RP1: variants seen among roughly 807,000 people sequenced by gnomAD.
RP1 encodes the protein oxygen-regulated protein 1.
Under a neutral mutation model 14.8 loss-of-function variants are expected in RP1, and 16 were observed. That is an observed-to-expected ratio of 1.08 (90% CI 0.73 to 1.65). The LOEUF (loss-of-function observed/expected upper bound fraction) is 1.65, where lower values mean the gene tolerates loss of function less well. Ranked by LOEUF, RP1 falls within the 40% of genes most tolerant of loss-of-function variation. The pLI is 0.00. For synonymous variants in RP1, 876 were observed against 883.6 expected (o/e 0.99, Z 0.15); for missense variants, 2,631 against 2,535.0 (o/e 1.04, Z -0.81).
chr8:54,606,577 T>C (rs1805450716), intron 1 of RP1, among the ~76,000 whole-genome samples: 1 of 152,180 alleles, frequency 6.6e-6, no homozygotes, highest in African/African-American at 2.4e-5. Context: ...TTCCTGAATT[T>C]GAATATTGGC....
Position 54,700,093 on chromosome 8 carries a change from A to G in RP1, c.1821+523A>G, listed in dbSNP as rs139454652. On this transcript the variant is annotated intron_variant, in intron 13 of 22. Coordinates refer to the RP1 transcript ENST00000636932. ...ATTTAACAGAAGAGGAACATGAAAAATAGGATTAAGTGAGTTGCACAGAGT... is the reference window on the plus strand; with the variant it reads ...ATTTAACAGAAGAGGAACATGAAAAGTAGGATTAAGTGAGTTGCACAGAGT... Among the ~76,000 whole-genome samples the G allele has an allele frequency of 2.3e-3, 345 of 152,306 alleles. 1 individual carries two copies. The highest frequency in any genetic ancestry group is 7.5e-3 in the African/African-American group (313 of 41,586).
At chr8:54,683,339 G>A (rs1306668328) in intron 12 of RP1, among the ~76,000 whole-genome samples, 1 of 152,044 alleles carries the variant, frequency 6.6e-6, no homozygotes, top group African/African-American at 2.4e-5. Flanking sequence ...ATTCCATTAA[G>A]AATGTCAATG....
At chr8:54,841,057 G>T (rs1369279471) in intron 25 of RP1, among the ~76,000 whole-genome samples, 2 of 152,148 alleles carry the variant, frequency 1.3e-5, no homozygotes, top group Non-Finnish European at 2.9e-5. Context: ...AAAACTCATG[G>T]GTGGGTAAGG....
At chr8:54,831,498 A>G (rs970750608) in intron 24 of RP1, among the ~76,000 whole-genome samples, 5 of 149,542 alleles carry the variant, frequency 3.3e-5, no homozygotes, top group South Asian at 2.1e-4. Context: ...ACACATTACA[A>G]TATGCATTCT....
intron 27 of RP1, among the ~76,000 whole-genome samples, chr8:54,860,874 A>T (rs1467085733): frequency 2.0e-5 from 3 of 152,220 alleles, no homozygotes; most frequent in Non-Finnish European, 4.4e-5. Flanking sequence ...AGAATGTAAA[A>T]ACCTTCACAG....
rs186560118 is a variant in RP1, at chr8:54,606,053, A to G, written c.-12-14902A>G. Among the ~76,000 whole-genome samples, 740 of 152,038 alleles carry G rather than the reference A, an allele frequency of 4.9e-3. 11 individuals carry two copies. The highest frequency in any genetic ancestry group is 0.018 in the African/African-American group (725 of 41,390). On this transcript the variant is annotated intron_variant, in intron 1 of 22. Coordinates refer to the RP1 transcript ENST00000636932. ...TTTAGCCCATTTCCATTTAAGGTTA[A>G]TATTGTTATGTGTGAATTTGATCCT...
At position 54,759,712 on chromosome 8, in the gene RP1, C is replaced by T. The variant is rs141909412; in HGVS notation, c.3248+636C>T. Among the ~76,000 whole-genome samples, 650 of 152,294 alleles carry T rather than the reference C, an allele frequency of 4.3e-3. 3 individuals are homozygous for T. The highest frequency in any genetic ancestry group is 0.015 in the African/African-American group (619 of 41,566). On this transcript the variant is annotated intron_variant, in intron 22 of 22. Coordinates refer to the RP1 transcript ENST00000636932. ...AGAAGCCTGGTTCTCTAGATCTTTACTGAGCCCTGCTGTTTCTCAAGAAAA... is the reference window on the plus strand; with the variant it reads ...AGAAGCCTGGTTCTCTAGATCTTTATTGAGCCCTGCTGTTTCTCAAGAAAA...
exon 18 of RP1, chr8:54,734,718 C>G (rs1438453555): frequency 1.3e-6 from 2 of 1,533,590 alleles, no homozygotes; most frequent in East Asian, 2.4e-5. Context: ...GCAGCTCTTC[C>G]TTCCAGGACA....
At chr8:54,726,318 T>C (rs891676932) in intron 16 of RP1, 3 of 1,512,372 alleles carry the variant, frequency 2.0e-6, no homozygotes, top group Middle Eastern at 1.7e-4. Flanking sequence ...TTTGAAAGGA[T>C]GGCATCTTTT....
intron 3 of RP1, among the ~76,000 whole-genome samples, chr8:54,642,805 A>C (rs192870869): frequency 3.3e-5 from 5 of 152,130 alleles, no homozygotes; most frequent in Admixed American, 3.3e-4. Context: ...CCATTCAATA[A>C]AGGTATGTGA....
At chr8:54,781,859 C>T (rs968601512) in intron 23 of RP1, among the ~76,000 whole-genome samples, 2 of 152,096 alleles carry the variant, frequency 1.3e-5, no homozygotes, top group African/African-American at 4.8e-5. Context: ...TCGTGACATG[C>T]TAATTCCAAA....
upstream of RP1, among the ~76,000 whole-genome samples, chr8:54,612,925 T>G (rs421844): frequency 0.22 from 33,302 of 152,176 alleles, 4,230 homozygotes; most frequent in East Asian, 0.46. Flanking sequence ...CCTCTACCAC[T>G]GCCACTCCTA....
chr8:54,738,890 G>T, intron 18 of RP1: 1 of 1,196,518 alleles, frequency 8.4e-7, no homozygotes, highest in Non-Finnish European at 1.1e-6. Context: ...ATTTTTTAAT[G>T]TGCTTAATTT....
rs376134297 is a variant in RP1, at chr8:54,628,189, C to T, written c.4307C>T (p.Ser1436Phe). ...RKFQDENAYT[S>F]FDMEEPRTSE... ...TTTCAGGATGAAAATGCATATACTT[C>T]CTTTGATATGGAAGAACCACGGACT... The change falls in exon 4 of 4, where the codon TCC (serine) becomes TTC (phenylalanine). Residue 1436 changes from serine to phenylalanine, a missense_variant. Coordinates refer to ENST00000220676, the MANE Select transcript of RP1 (RefSeq NM_006269.2). 6.8e-5 allele frequency: 110 copies of T among 1,613,842 alleles called. No homozygotes were observed. Among genetic ancestry groups the T allele is most frequent in the Non-Finnish European group, 9.1e-5 (107 of 1,179,914 alleles).
chr8:54,778,664 T>C (rs1394375381), intron 23 of RP1, among the ~76,000 whole-genome samples: 2 of 152,088 alleles, frequency 1.3e-5, no homozygotes, highest in African/African-American at 4.8e-5. Context: ...TGAGCTAGGA[T>C]GTTCACTAGT....
chr8:54,597,009 A>C (rs1438544289), intron 1 of RP1, among the ~76,000 whole-genome samples: 1 of 152,264 alleles, frequency 6.6e-6, no homozygotes, highest in East Asian at 1.9e-4. Flanking sequence ...TGACATAGCA[A>C]TGTCAAGGAC....
At chr8:54,841,291 G>GA in intron 25 of RP1, among the ~76,000 whole-genome samples, 1 of 152,296 alleles carries the variant, frequency 6.6e-6, no homozygotes, top group African/African-American at 2.4e-5. Context: ...CTGACCATGG[G>GA]AAAAACACAA....
intron 7 of RP1, among the ~76,000 whole-genome samples, chr8:54,669,697 A>G (rs1187174380): frequency 2.0e-5 from 3 of 152,214 alleles, no homozygotes; most frequent in East Asian, 3.9e-4. Context: ...CTCTGCAGCC[A>G]TAAAAAAGGA....
At chr8:54,682,688 C>A (rs1807464941) in intron 12 of RP1, among the ~76,000 whole-genome samples, 1 of 151,914 alleles carries the variant, frequency 6.6e-6, no homozygotes, top group Non-Finnish European at 1.5e-5. Flanking sequence ...CTTGTAGACT[C>A]TGAATATTAG....
Sources: allele counts gnomAD v4.1 joint callset (sites outside exome capture counted in the v4.1 genomes callset), GRCh38; gene constraint gnomAD v4.1.1; transcripts MANE v1.5; gene names NCBI Gene and HGNC (gene_info 2026-07-23, HGNC 2026-07-21).